ADAMTS16: variants seen among roughly 807,000 people sequenced by gnomAD.
ADAMTS16 encodes A disintegrin and metalloproteinase with thrombospondin motifs 16.
ADAMTS16 carries 94 observed loss-of-function variants against 145.8 expected under a neutral mutation model. The ratio of observed to expected loss-of-function variants is 0.64; its 90% confidence interval spans 0.55 to 0.77. The LOEUF is 0.77. Among genes scored for constraint, ADAMTS16 ranks in the 30% least tolerant of loss-of-function variants. The probability of loss-of-function intolerance (pLI) is 0.00; values close to 1 mark genes in which losing one functional copy is unlikely to be tolerated. For synonymous variants in ADAMTS16, 659 were observed against 604.3 expected, an observed-to-expected ratio of 1.09 and a Z score of -1.33; for missense variants, 1,585 against 1,591.5, an observed-to-expected ratio of 1.00 and a Z score of 0.07.
At chr5:5,282,823 T>C (rs1738971940) in intron 18 of ADAMTS16, among the ~76,000 whole-genome samples, 1 of 152,132 alleles carries the variant, frequency 6.6e-6, no homozygotes, top group Non-Finnish European at 1.5e-5. Context: ...AGAAACCATT[T>C]TAAAAAATTT....
chr5:5,178,522 T>G (rs560596444), intron 3 of ADAMTS16, among the ~76,000 whole-genome samples: 95 of 152,352 alleles, frequency 6.2e-4, no homozygotes, highest in Non-Finnish European at 1.1e-3. Context: ...AACTTTTTTG[T>G]GTTTTTTATT....
intron 3 of ADAMTS16, among the ~76,000 whole-genome samples, chr5:5,180,968 ACT>A (rs1298808039): frequency 2.6e-5 from 4 of 152,156 alleles, no homozygotes; most frequent in African/African-American, 9.7e-5. Flanking sequence ...TCAGTACGTA[ACT>A]CTAACTTTTA....
intron 8 of ADAMTS16, among the ~76,000 whole-genome samples, chr5:5,197,114 A>G (rs904740248): frequency 2.6e-5 from 4 of 152,216 alleles, no homozygotes; most frequent in Non-Finnish European, 4.4e-5. Flanking sequence ...TGCCAAAGGT[A>G]GACTTTGCCA....
rs1734119873 is a variant in ADAMTS16, at chr5:5,140,420, C to A, written c.-48C>A. 1.3e-6 allele frequency: 2 copies of A among 1,482,004 alleles called. No homozygotes were observed. The highest frequency in any genetic ancestry group is 1.8e-6 in the Non-Finnish European group (2 of 1,123,070). 91.8% of individuals were successfully genotyped at this position (1,482,004 alleles called of 1,614,324 possible). ...GTCCTCCCTGCCCGCTCGCACGCTG[C>A]CGGCCGGGGACCCTCCGGTGGCCCC... On this transcript the variant is annotated 5_prime_UTR_variant, in exon 1 of 23. Coordinates refer to ENST00000274181, the MANE Select transcript of ADAMTS16 (RefSeq NM_139056.4).
intron 18 of ADAMTS16, among the ~76,000 whole-genome samples, chr5:5,293,949 C>A (rs950483732): frequency 1.4e-4 from 21 of 152,182 alleles, no homozygotes; most frequent in African/African-American, 5.1e-4. Context: ...CACACTGGGG[C>A]TTGTGGACAT....
chr5:5,296,124 TC>T (rs1192319038), intron 18 of ADAMTS16, among the ~76,000 whole-genome samples: 1 of 152,150 alleles, frequency 6.6e-6, no homozygotes, highest in African/African-American at 2.4e-5. Context: ...CTGTGGTCCA[TC>T]CCAGCTCCGA....
At chr5:5,289,772 T>C (rs78161499) in intron 18 of ADAMTS16, among the ~76,000 whole-genome samples, 15 of 152,200 alleles carry the variant, frequency 9.9e-5, no homozygotes, top group Non-Finnish European at 4.4e-5. Flanking sequence ...TTCTCACTGA[T>C]GCAGCAGGGA....
intron 3 of ADAMTS16, among the ~76,000 whole-genome samples, chr5:5,151,726 ATG>A (rs1734467600): frequency 2.8e-5 from 2 of 70,970 alleles, no homozygotes; most frequent in Admixed American, 2.9e-4. Context: ...GTGTGTGTGT[ATG>A]TGTGTGGGGG....
chr5:5,215,870 G>GTGTGTATATATATA, intron 10 of ADAMTS16, among the ~76,000 whole-genome samples: 1 of 101,622 alleles, frequency 9.8e-6, no homozygotes, highest in African/African-American at 5.0e-5. Flanking sequence ...GTGTGTATGT[G>GTGTGTATATATATA]TATATATATA....
chr5:5,161,352 C>T lies in ADAMTS16; in HGVS notation c.501+14897C>T, dbSNP rs78345387. Among the ~76,000 whole-genome samples the T allele has an allele frequency of 2.1e-3, 321 of 152,290 alleles. 8 individuals carry two copies. In the East Asian group the frequency reaches 0.043, roughly 21 times the overall value. ...ATCTTGATTTCAAAGTCAACAACAA[C>T]CAACTTCTTTCTCCAGTTTCCACCT... On this transcript the variant is annotated intron_variant, in intron 3 of 22. Transcript: ENST00000274181.
intron 22 of ADAMTS16, among the ~76,000 whole-genome samples, chr5:5,318,682 C>G (rs1488557298): frequency 6.6e-6 from 1 of 152,170 alleles, no homozygotes; most frequent in Non-Finnish European, 1.5e-5. Flanking sequence ...CCTGTTAAGG[C>G]TATTCTGAGA....
chr5:5,246,685 A>G (rs1314753923), intron 17 of ADAMTS16, among the ~76,000 whole-genome samples: 1 of 152,178 alleles, frequency 6.6e-6, no homozygotes, highest in Non-Finnish European at 1.5e-5. Flanking sequence ...CATGAAAACT[A>G]TTTAGTGCCT....
intron 3 of ADAMTS16, among the ~76,000 whole-genome samples, chr5:5,147,138 A>G (rs1352591716): frequency 6.6e-6 from 1 of 152,176 alleles, no homozygotes; most frequent in African/African-American, 2.4e-5. Flanking sequence ...CCAAGTCAAA[A>G]TCTCAATGGC....
At chr5:5,300,516 T>G (rs1739727451) in intron 18 of ADAMTS16, among the ~76,000 whole-genome samples, 2 of 152,256 alleles carry the variant, frequency 1.3e-5, no homozygotes, top group Admixed American at 6.5e-5. Flanking sequence ...TTTTAGTCTT[T>G]GTATAATTTT....
rs77912926 is a variant in ADAMTS16 at position 5,187,275 on chromosome 5, C to A, written c.964-450C>A. Among the ~76,000 whole-genome samples the A allele has an allele frequency of 6.1e-4, 93 of 152,296 alleles. 1 individual carries two copies. The East Asian group carries it at 0.018, about 29-fold the overall frequency. ...CATTTCCATTTCCATGATCCATCAC[C>A]TCTGATATCACCTCTAATTGTGTCT... is the stretch of plus-strand genomic sequence containing the variant. On this transcript the variant is annotated intron_variant, in intron 5 of 22. Coordinates refer to ENST00000274181, the MANE Select transcript of ADAMTS16 (RefSeq NM_139056.4).
At position 5,318,000 on chromosome 5, in the gene ADAMTS16, C is replaced by T; in HGVS notation, c.3412-134C>T. On this transcript the variant is annotated intron_variant, in intron 21 of 22. Transcript: ENST00000274181. This position sits in a 1 kb window ranked among gnomAD's most constrained non-coding sequence, Gnocchi z 4.5. ...CACATCGTGGCCAACCATAACTCCA[C>T]CTGCCTCTGCGACTAAGTCGCTCTT... 1 of 1,036,312 alleles carries T rather than the reference C, an allele frequency of 9.6e-7. No individual in the cohort carries two copies. The highest frequency in any genetic ancestry group is 4.1e-5 in the Admixed American group (1 of 24,136). The allele number at this position is 1,036,312 out of a possible 1,614,324, so 64.2% of individuals were successfully genotyped here.
At chr5:5,222,756 T>G (rs757952155) in intron 10 of ADAMTS16, 33 bp from the exon 11 acceptor site, 30 of 1,522,392 alleles carry the variant, frequency 2.0e-5, no homozygotes, top group Non-Finnish European at 2.6e-5. Flanking sequence ...CAATATGATG[T>G]AATCCTAATG....
At position 5,226,725 on chromosome 5, in the gene ADAMTS16, C is replaced by T. The variant is rs530062939; in HGVS notation, c.1701+3841C>T. On this transcript the variant is annotated intron_variant, in intron 11 of 22. Coordinates refer to ENST00000274181, the MANE Select transcript of ADAMTS16 (RefSeq NM_139056.4). ...TACTGAGGGTGCTGCTGAGGCTCCACAGTGGTTGCATAAGGTGGTAACATA... is the reference window on the plus strand; with the variant it reads ...TACTGAGGGTGCTGCTGAGGCTCCATAGTGGTTGCATAAGGTGGTAACATA... 2.6e-5 allele frequency among the ~76,000 whole-genome samples: 4 copies of T among 152,274 alleles called. No individual in the cohort carries two copies. The East Asian group carries it at 5.8e-4, about 22-fold the overall frequency.
At chr5:5,193,002 T>A (rs1316495343) in intron 8 of ADAMTS16, among the ~76,000 whole-genome samples, 1 of 152,100 alleles carries the variant, frequency 6.6e-6, no homozygotes, top group Non-Finnish European at 1.5e-5. Flanking sequence ...GAATTATAAG[T>A]TTTTATTTTT....
Sources: gnomAD v4.1 joint callset for allele counts (sites outside exome capture counted in the v4.1 genomes callset) on GRCh38, gnomAD v4.1.1 for gene constraint, Gnocchi (gnomAD v3.1) non-coding constraint, MANE v1.5 for transcripts, NCBI Gene and HGNC (gene_info 2026-07-23, HGNC 2026-07-21) for gene names.